CXCL13: variants seen among roughly 807,000 people sequenced by gnomAD.
CXCL13 encodes the protein C-X-C motif chemokine ligand 13, also known as C-X-C motif chemokine 13.
In CXCL13, 7 loss-of-function variants were observed where a neutral mutation model predicts 12.2. The ratio of observed to expected loss-of-function variants is 0.57; its 90% CI spans 0.33 to 1.07. CXCL13 has a LOEUF of 1.07. Ranked by LOEUF, CXCL13 falls within the 50% of genes least tolerant of loss-of-function variation. The pLI is 0.04. For synonymous variants in CXCL13, 47 were observed against 42.4 expected (o/e 1.11, Z -0.42); for missense variants, 113 against 127.4 (o/e 0.89, Z 0.55).
At chr4:77,548,022 G>A (rs1280957703) in intron 1 of CXCL13, among the ~76,000 whole-genome samples, 2 of 151,884 alleles carry the variant, frequency 1.3e-5, no homozygotes, top group Admixed American at 6.6e-5. Context: ...GAAATTCTGG[G>A]TTGAAAAAAA....
chr4:77,515,352 T>C (rs1724388558), intron 1 of CXCL13, among the ~76,000 whole-genome samples: 2 of 152,074 alleles, frequency 1.3e-5, no homozygotes, highest in African/African-American at 4.8e-5. Flanking sequence ...AGAAAGTCAT[T>C]GGTAGCTTGA....
Position 77,611,739 on chromosome 4 carries a change from T to TG in CXCL13, c.*706dup, listed in dbSNP as rs1223266690. On this transcript the variant is annotated 3_prime_UTR_variant, in exon 4 of 4. Coordinates refer to ENST00000682537, the MANE Select transcript of CXCL13 (RefSeq NM_001371558.1). The stretch of plus-strand genomic sequence containing the variant: ...ACATCTTTTTCACTGACTTTTTTTG[T>TG]GGGGGGCGGGGCCGGGGGGACTCTG... The TG allele has an allele frequency of 1.2e-4, 21 of 176,966 alleles. No homozygotes were observed. Among genetic ancestry groups the TG allele is most frequent in the Non-Finnish European group, 1.9e-4 (18 of 93,140 alleles). 11.0% of individuals were successfully genotyped at this position (176,966 alleles called of 1,614,324 possible).
intron 1 of CXCL13, among the ~76,000 whole-genome samples, chr4:77,520,183 G>A (rs1158000216): frequency 6.6e-6 from 1 of 152,260 alleles, no homozygotes; most frequent in East Asian, 1.9e-4. Flanking sequence ...GCTTAGGATT[G>A]TCTTGGCAAT....
chr4:77,562,214 C>T (rs1382805369), intron 1 of CXCL13, among the ~76,000 whole-genome samples: 7 of 146,486 alleles, frequency 4.8e-5, no homozygotes, highest in African/African-American at 1.8e-4. Flanking sequence ...CCTACAGCCA[C>T]CCCAACCCCC....
chr4:77,587,735 G>A (rs1334291528), intron 1 of CXCL13, among the ~76,000 whole-genome samples: 1 of 152,224 alleles, frequency 6.6e-6, no homozygotes, highest in Non-Finnish European at 1.5e-5. Flanking sequence ...GAAGAGCCAG[G>A]ATTCAAGTCG....
intron 1 of CXCL13, among the ~76,000 whole-genome samples, chr4:77,565,520 A>T (rs1725907079): frequency 6.6e-6 from 1 of 152,076 alleles, no homozygotes; most frequent in African/African-American, 2.4e-5. Context: ...TTCATCAGGA[A>T]AATATATATA....
chr4:77,558,724 T>C (rs1725722899), intron 1 of CXCL13, among the ~76,000 whole-genome samples: 1 of 152,162 alleles, frequency 6.6e-6, no homozygotes, highest in Non-Finnish European at 1.5e-5. Flanking sequence ...ACTGCAATGT[T>C]CCCATACCAC....
chr4:77,518,122 C>G (rs1440309523), intron 1 of CXCL13, among the ~76,000 whole-genome samples: 1 of 152,120 alleles, frequency 6.6e-6, no homozygotes, highest in Admixed American at 6.6e-5. Context: ...GAATATTGGC[C>G]CCCACTCTCT....
chr4:77,570,617 C>A (rs1578058879), intron 1 of CXCL13, among the ~76,000 whole-genome samples: 1 of 152,244 alleles, frequency 6.6e-6, no homozygotes, highest in African/African-American at 2.4e-5. Flanking sequence ...CCTTTCTGGG[C>A]TGGCCAAGGC....
intron 1 of CXCL13, among the ~76,000 whole-genome samples, chr4:77,550,495 C>A (rs1485393412): frequency 2.0e-5 from 3 of 152,154 alleles, no homozygotes; most frequent in African/African-American, 4.8e-5. Context: ...GGAACAATCC[C>A]AATTTCCCTT....
chr4:77,511,986 A>G (rs139987499), intron 1 of CXCL13, among the ~76,000 whole-genome samples: 6 of 152,216 alleles, frequency 3.9e-5, no homozygotes, highest in African/African-American at 1.4e-4. Flanking sequence ...TTGTTGGAGC[A>G]CTGTGCCATG....
chr4:77,573,441 A>C (rs947961160), intron 1 of CXCL13, among the ~76,000 whole-genome samples: 4 of 148,724 alleles, frequency 2.7e-5, no homozygotes, highest in African/African-American at 1.0e-4. Flanking sequence ...GTGTATTTAC[A>C]TTATGTCATA....
chr4:77,536,923 G>A, intron 1 of CXCL13, among the ~76,000 whole-genome samples: 1 of 152,102 alleles, frequency 6.6e-6, no homozygotes, highest in East Asian at 1.9e-4. Context: ...GAGTTCTCAT[G>A]AACCAGTGAG....
At chr4:77,525,450 T>A (rs1023052040) in intron 1 of CXCL13, among the ~76,000 whole-genome samples, 9 of 152,118 alleles carry the variant, frequency 5.9e-5, no homozygotes, top group Admixed American at 1.3e-4. Context: ...TGAGAGTGGA[T>A]GGGTAAAGGA....
intron 1 of CXCL13, among the ~76,000 whole-genome samples, chr4:77,537,543 A>G (rs1414301596): frequency 6.6e-6 from 1 of 152,230 alleles, no homozygotes; most frequent in East Asian, 1.9e-4. Flanking sequence ...AGCATGCTTC[A>G]GTAATGTGTT....
intron 1 of CXCL13, among the ~76,000 whole-genome samples, chr4:77,566,536 A>G (rs1312269877): frequency 1.3e-5 from 2 of 152,068 alleles, no homozygotes; most frequent in African/African-American, 4.8e-5. Flanking sequence ...TACATAACAT[A>G]AACTTTACCA....
intron 1 of CXCL13, among the ~76,000 whole-genome samples, chr4:77,550,784 A>C (rs1725498159): frequency 6.6e-6 from 1 of 152,164 alleles, no homozygotes; most frequent in Non-Finnish European, 1.5e-5. Context: ...TTGTTTTATG[A>C]ATCTGGGTGC....
At chr4:77,548,314 T>C (rs533712267) in intron 1 of CXCL13, among the ~76,000 whole-genome samples, 1 of 152,320 alleles carries the variant, frequency 6.6e-6, no homozygotes, top group East Asian at 1.9e-4. Context: ...GCAAGGTCTT[T>C]ACAAAAATGA....
intron 1 of CXCL13, among the ~76,000 whole-genome samples, chr4:77,598,828 T>C (rs1459915532): frequency 6.6e-6 from 1 of 151,984 alleles, no homozygotes; most frequent in East Asian, 1.9e-4. Context: ...ATTTTTTTTT[T>C]TCTTTGAGAT....
Sources: gnomAD v4.1 joint callset for allele counts (sites outside exome capture counted in the v4.1 genomes callset) on GRCh38, gnomAD v4.1.1 for gene constraint, MANE v1.5 for transcripts, NCBI Gene and HGNC (gene_info 2026-07-23, HGNC 2026-07-21) for gene names.